Variants in PAK5 observed in about 807,000 individuals in gnomAD.
PAK5 encodes the protein p21 (RAC1) activated kinase 5.
A neutral mutation model predicts 65.9 loss-of-function variants in PAK5; 16 were observed. The ratio of observed to expected loss-of-function variants is 0.24; its 90% CI spans 0.16 to 0.37. The LOEUF is 0.37. Among genes scored for constraint, PAK5 ranks in the 10% least tolerant of loss-of-function variants. The pLI is 1.00. For synonymous variants in PAK5, 371 were observed against 354.9 expected (o/e 1.05, Z -0.51); for missense variants, 785 against 903.9 (o/e 0.87, Z 1.69).
chr20:9,544,256 T>C (rs1228582952), intron 8 of PAK5, 113 bp downstream of exon 8: 7 of 1,149,616 alleles, frequency 6.1e-6, no homozygotes, highest in African/African-American at 3.1e-5. Flanking sequence ...GGGGATCAAA[T>C]GTGGAGCTAA....
chr20:9,748,134 G>A (rs905136978), intron 1 of PAK5, among the ~76,000 whole-genome samples: 2 of 151,980 alleles, frequency 1.3e-5, no homozygotes, highest in African/African-American at 2.4e-5. Context: ...TACAAGGGAC[G>A]TGAAGGACCT....
chr20:9,583,366 T>G (rs930174244), intron 3 of PAK5, among the ~76,000 whole-genome samples: 1 of 152,254 alleles, frequency 6.6e-6, no homozygotes, highest in African/African-American at 2.4e-5. Flanking sequence ...CTAGTATAAC[T>G]GTTCAGCAGT....
At chr20:9,595,124 TAG>T (rs1374931690) in intron 3 of PAK5, among the ~76,000 whole-genome samples, 1,760 of 148,722 alleles carry the variant, frequency 0.012, 41 homozygotes, top group African/African-American at 0.04. Context: ...TACATATATA[TAG>T]AGAGAGAGAG....
chr20:9,747,989 C>T (rs1247072798), intron 1 of PAK5, among the ~76,000 whole-genome samples: 8 of 152,172 alleles, frequency 5.3e-5, no homozygotes. Context: ...TCAGCAAAGT[C>T]CCAGGATACA....
intron 3 of PAK5, among the ~76,000 whole-genome samples, chr20:9,632,332 GATGGGCTCAGGGA>G (rs2046932744): frequency 6.6e-6 from 1 of 152,162 alleles, no homozygotes; most frequent in Non-Finnish European, 1.5e-5. Flanking sequence ...CCTAAAATAT[GATGGGCTCAGGGA>G]GCATCCAGGC....
At chr20:9,743,406 G>A (rs113144526) in intron 1 of PAK5, among the ~76,000 whole-genome samples, 35,179 of 150,322 alleles carry the variant, frequency 0.23, 4,536 homozygotes, top group African/African-American at 0.33. Flanking sequence ...AAAAACAAAC[G>A]AAACAAAACA....
intron 1 of PAK5, among the ~76,000 whole-genome samples, chr20:9,788,855 C>T (rs1330789277): frequency 3.9e-5 from 6 of 152,234 alleles, no homozygotes; most frequent in African/African-American, 1.2e-4. Flanking sequence ...GGGGGTAAAA[C>T]TTACCTTGAG....
At chr20:9,769,056 A>C (rs2048804383) in intron 1 of PAK5, among the ~76,000 whole-genome samples, 1 of 152,334 alleles carries the variant, frequency 6.6e-6, no homozygotes, top group African/African-American at 2.4e-5. Context: ...CAATTTCAAA[A>C]CAATATAATG....
intron 2 of PAK5, among the ~76,000 whole-genome samples, chr20:9,708,278 CCTATGTT>C (rs2048033450): frequency 6.6e-6 from 1 of 152,098 alleles, no homozygotes; most frequent in African/African-American, 2.4e-5. Context: ...AACTGTATTT[CCTATGTT>C]ACTTCAGATA....
chr20:9,629,230 G>C (rs949945793), intron 3 of PAK5, among the ~76,000 whole-genome samples: 4 of 152,104 alleles, frequency 2.6e-5, no homozygotes, highest in African/African-American at 4.8e-5. Context: ...AAACTGCAAG[G>C]ATACTAACAA....
intron 1 of PAK5, among the ~76,000 whole-genome samples, chr20:9,831,193 A>G (rs1978684216): frequency 6.6e-6 from 1 of 152,142 alleles, no homozygotes; most frequent in Admixed American, 6.5e-5. Flanking sequence ...TCTGCTTCCA[A>G]GCTGTTTTGG....
chr20:9,820,808 G>T (rs1435769114), intron 1 of PAK5, among the ~76,000 whole-genome samples: 1 of 152,156 alleles, frequency 6.6e-6, no homozygotes, highest in Non-Finnish European at 1.5e-5. Flanking sequence ...GAATATAAAG[G>T]AACTGAATGG....
At chr20:9,719,525 T>G (rs1470365536) in intron 1 of PAK5, among the ~76,000 whole-genome samples, 1 of 151,888 alleles carries the variant, frequency 6.6e-6, no homozygotes, top group African/African-American at 2.4e-5. Context: ...ATCACATTAC[T>G]GCTTTTTTTT....
At chr20:9,782,220 C>T (rs931109677) in intron 1 of PAK5, among the ~76,000 whole-genome samples, 7 of 151,788 alleles carry the variant, frequency 4.6e-5, no homozygotes, top group Non-Finnish European at 1.0e-4. Flanking sequence ...CTACATGTTC[C>T]CTCCCTCAGC....
chr20:9,714,930 A>G (rs563611078), intron 1 of PAK5, among the ~76,000 whole-genome samples: 2 of 152,204 alleles, frequency 1.3e-5, no homozygotes, highest in Non-Finnish European at 2.9e-5. Flanking sequence ...TAGACCTAAA[A>G]CCATAAAAAC....
intron 2 of PAK5, among the ~76,000 whole-genome samples, chr20:9,672,297 T>C (rs2047510707): frequency 6.7e-6 from 1 of 149,636 alleles, no homozygotes. Context: ...TCAGTATGTA[T>C]GGTTATTTTA....
intron 3 of PAK5, among the ~76,000 whole-genome samples, chr20:9,614,599 T>A (rs2046622178): frequency 6.6e-6 from 1 of 152,180 alleles, no homozygotes; most frequent in South Asian, 2.1e-4. Flanking sequence ...ACACCTTACT[T>A]CCTTAGAGGA....
intron 6 of PAK5, among the ~76,000 whole-genome samples, chr20:9,561,460 C>T (rs1313774421): frequency 6.6e-6 from 1 of 151,988 alleles, no homozygotes; most frequent in Non-Finnish European, 1.5e-5. Flanking sequence ...TTAAGATGAT[C>T]TTATGTGTTT....
chr20:9,600,126 T>C (rs1568990357), intron 3 of PAK5, among the ~76,000 whole-genome samples: 1 of 152,204 alleles, frequency 6.6e-6, no homozygotes, highest in Non-Finnish European at 1.5e-5. Context: ...CATTAAATAG[T>C]CTTGGTTGCC....
Sources: allele counts gnomAD v4.1 joint callset (sites outside exome capture counted in the v4.1 genomes callset), GRCh38; gene constraint gnomAD v4.1.1; transcripts MANE v1.5; gene names NCBI Gene and HGNC (gene_info 2026-07-23, HGNC 2026-07-21).